The following PIEZO2 variants were observed in gnomAD, a reference collection of about 807,000 sequenced individuals.
The protein encoded by PIEZO2 is piezo type mechanosensitive ion channel component 2.
PIEZO2 carries 172 observed loss-of-function variants against 337.3 expected under a neutral mutation model. The ratio of observed to expected loss-of-function variants is 0.51; its 90% CI spans 0.45 to 0.58. The LOEUF is 0.58. Ranked by LOEUF, PIEZO2 falls within the 20% of genes least tolerant of loss-of-function variation. The pLI is 0.00. For missense variants in PIEZO2, 3,028 were observed against 3,391.3 expected (o/e 0.89, Z 2.66); for synonymous variants, 1,251 against 1,228.5 (o/e 1.02, Z -0.38).
At position 11,070,922 on chromosome 18, in the gene PIEZO2, A is replaced by G. The variant is rs927463099; in HGVS notation, c.65-4700T>C. Among the ~76,000 whole-genome samples, 4 of 152,120 alleles carry G rather than the reference A, an allele frequency of 2.6e-5. No individual in the cohort carries two copies. Among genetic ancestry groups the G allele is most frequent in the Non-Finnish European group, 4.4e-5 (3 of 68,026 alleles). ...ACCCAGACAGGAAGACCAGATCAAGAAGCACTAATCCCAGAATGCGGACAA... is the reference window on the plus strand; with the variant it reads ...ACCCAGACAGGAAGACCAGATCAAGGAGCACTAATCCCAGAATGCGGACAA... On this transcript the variant is annotated intron_variant, in intron 1 of 55. Coordinates refer to ENST00000674853, the MANE Select transcript of PIEZO2 (RefSeq NM_001378183.1). The surrounding 1 kb of genome is among the most constrained non-coding windows in gnomAD (Gnocchi z 4.3).
chr18:10,745,372 G>C (rs1047671101), intron 30 of PIEZO2, among the ~76,000 whole-genome samples: 5 of 151,856 alleles, frequency 3.3e-5, no homozygotes, highest in African/African-American at 1.2e-4. Flanking sequence ...AAAGAAAACC[G>C]ACACACGACC....
In PIEZO2 at chr18:11,048,164, G is replaced by A. The variant is rs1317685449; in HGVS notation, c.160+17963C>T. 1.3e-5 allele frequency among the ~76,000 whole-genome samples: 2 copies of A among 152,158 alleles called. No homozygotes were observed. The highest frequency in any genetic ancestry group is 2.9e-5 in the Non-Finnish European group (2 of 68,038). ...TCCTGACTGCCCGAGGAGACTATTA[G>A]TGACTTTCCCCAATACCCCTTAAGG... On this transcript the variant is annotated intron_variant, in intron 2 of 55. Transcript: ENST00000674853. This position sits in a 1 kb window ranked among gnomAD's most constrained non-coding sequence, Gnocchi z 4.5.
chr18:11,079,188 TCC>T (rs2038650106), intron 1 of PIEZO2, among the ~76,000 whole-genome samples: 3 of 152,192 alleles, frequency 2.0e-5, no homozygotes, highest in African/African-American at 7.2e-5. Context: ...GGCCCATCGT[TCC>T]ACCATATATT....
Position 11,148,751 on chromosome 18 carries a change from C to A in PIEZO2, c.-163G>T. On this transcript the variant is annotated 5_prime_UTR_variant, in exon 1 of 56. Transcript: ENST00000674853. The surrounding 1 kb of genome is among the most constrained non-coding windows in gnomAD (Gnocchi z 5.2). ...CGCGACGCTCTCCGCCCCGAGGGCA[C>A]GCTCCCGGGGCTCTTGGCCGCCCCT... 2.9e-6 allele frequency: 2 copies of A among 690,158 alleles called. No homozygotes were observed. Among genetic ancestry groups the A allele is most frequent in the Non-Finnish European group, 4.7e-6 (2 of 422,404 alleles). The allele number at this position is 690,158 out of a possible 1,614,324, so 42.8% of individuals were successfully genotyped here.
Position 11,148,757 on chromosome 18 carries a change from C to A in PIEZO2, c.-169G>T. 1.6e-6 allele frequency: 1 copy of A among 643,308 alleles called. No individual in the cohort carries two copies. The highest frequency in any genetic ancestry group is 2.2e-5 in the South Asian group (1 of 45,700). 39.8% of individuals were successfully genotyped at this position (643,308 alleles called of 1,614,324 possible). On this transcript the variant is annotated 5_prime_UTR_variant, in exon 1 of 56. Transcript: ENST00000674853. This position sits in a 1 kb window ranked among gnomAD's most constrained non-coding sequence, Gnocchi z 5.2. ...GCTCTCCGCCCCGAGGGCACGCTCC[C>A]GGGGCTCTTGGCCGCCCCTCGCCCA...
At position 10,859,594 on chromosome 18, in the gene PIEZO2, C is replaced by T. The variant is rs951619837; in HGVS notation, c.493-2383G>A. ...GATCACCCCTGTTAACAGGCAAGGG[C>T]GCCTTGCTGTCTCACCTTAAAGAAA... On this transcript the variant is annotated intron_variant, in intron 5 of 55. Coordinates refer to ENST00000674853, the MANE Select transcript of PIEZO2 (RefSeq NM_001378183.1). The surrounding 1 kb of genome is among the most constrained non-coding windows in gnomAD (Gnocchi z 4.9). Among the ~76,000 whole-genome samples the T allele has an allele frequency of 6.6e-6, 1 of 152,240 alleles. No homozygotes were observed. Among genetic ancestry groups the T allele is most frequent in the Non-Finnish European group, 1.5e-5 (1 of 68,040 alleles).
chr18:10,681,764 A>G lies in PIEZO2; in HGVS notation c.7687-11T>C, dbSNP rs951481008. 13 of 1,583,594 alleles carry G rather than the reference A, an allele frequency of 8.2e-6. No homozygotes were observed. Among genetic ancestry groups the G allele is most frequent in the Admixed American group, 1.7e-5 (1 of 59,932 alleles). The stretch of plus-strand genomic sequence containing the variant: ...CATTGTGAAAATAGGCTGGAAAACA[A>G]AGAGAACAGTGTTGTCAATATTCCC... On this transcript the variant is annotated splice_polypyrimidine_tract_variant and intron_variant, in intron 50 of 55. Coordinates refer to ENST00000674853, the MANE Select transcript of PIEZO2 (RefSeq NM_001378183.1).
chr18:10,950,508 G>T lies in PIEZO2; in HGVS notation c.286+29027C>A, dbSNP rs75517825. ...CATTTCACTGTGATATCTGATCACCGGGTGAATATTACTTGTGTCTTTGGT... is the reference window on the plus strand; with the variant it reads ...CATTTCACTGTGATATCTGATCACCTGGTGAATATTACTTGTGTCTTTGGT... On this transcript the variant is annotated intron_variant, in intron 3 of 55. Transcript: ENST00000674853. 9.7e-3 allele frequency among the ~76,000 whole-genome samples: 1,478 copies of T among 152,322 alleles called. 16 individuals carry two copies. The highest frequency in any genetic ancestry group is 0.014 in the Non-Finnish European group (935 of 68,026).
chr18:10,909,072 G>A (rs2030222323), intron 4 of PIEZO2, among the ~76,000 whole-genome samples: 2 of 152,164 alleles, frequency 1.3e-5, no homozygotes, highest in South Asian at 4.1e-4. Context: ...CTGAGCCAAG[G>A]AGAAACAGGG....
intron 18 of PIEZO2, among the ~76,000 whole-genome samples, chr18:10,779,253 G>A (rs1034207095): frequency 1.3e-5 from 2 of 152,264 alleles, no homozygotes; most frequent in African/African-American, 4.8e-5. Context: ...AAAAGCGAAC[G>A]GGGTAGAAAA....
chr18:10,960,411 T>C (rs1448637239), intron 3 of PIEZO2, among the ~76,000 whole-genome samples: 1 of 152,180 alleles, frequency 6.6e-6, no homozygotes, highest in African/African-American at 2.4e-5. Context: ...ATTATTTTCA[T>C]TTAAACCCTA....
In PIEZO2 at chr18:10,795,417, C is replaced by G. The variant is rs1474875765; in HGVS notation, c.1528-415G>C. ...TTATTTTATTTTATTTTATTCAGCT[C>G]TATTGCTTTAAAGAAAAGACCAAAC... On this transcript the variant is annotated intron_variant, in intron 12 of 55. Coordinates refer to ENST00000674853, the MANE Select transcript of PIEZO2 (RefSeq NM_001378183.1). This position sits in a 1 kb window ranked among gnomAD's most constrained non-coding sequence, Gnocchi z 4.4. 7.1e-6 allele frequency among the ~76,000 whole-genome samples: 1 copy of G among 141,006 alleles called. No individual in the cohort carries two copies. The highest frequency in any genetic ancestry group is 1.5e-5 in the Non-Finnish European group (1 of 65,274). The allele number at this position is 141,006 out of a possible 152,430, so 92.5% of individuals were successfully genotyped here.
intron 17 of PIEZO2, among the ~76,000 whole-genome samples, chr18:10,782,051 T>C (rs2039001456): frequency 6.7e-6 from 1 of 149,788 alleles, no homozygotes; most frequent in Non-Finnish European, 1.5e-5. Flanking sequence ...AATACTCCCA[T>C]GAGGAAGAGT....
At chr18:10,799,572 A>G (rs1483980060) in intron 11 of PIEZO2, among the ~76,000 whole-genome samples, 1 of 152,216 alleles carries the variant, frequency 6.6e-6, no homozygotes, top group Non-Finnish European at 1.5e-5. Context: ...ATCTTTAGTA[A>G]TAGTGGTCTC....
chr18:11,124,385 C>A (rs954925741), intron 1 of PIEZO2, among the ~76,000 whole-genome samples: 2 of 152,162 alleles, frequency 1.3e-5, no homozygotes, highest in Admixed American at 6.5e-5. Context: ...CCTAAGAAAT[C>A]ATTTATTGTG....
At chr18:11,124,472 T>A (rs1012058636) in intron 1 of PIEZO2, among the ~76,000 whole-genome samples, 1 of 152,168 alleles carries the variant, frequency 6.6e-6, no homozygotes, top group Non-Finnish European at 1.5e-5. Context: ...ACCTGCAGGA[T>A]ATGCATTCAT....
At chr18:10,926,584 T>C (rs1002086065) in intron 3 of PIEZO2, among the ~76,000 whole-genome samples, 3 of 152,222 alleles carry the variant, frequency 2.0e-5, no homozygotes, top group African/African-American at 7.2e-5. Context: ...TTCCATTTTA[T>C]GCTAATTGAG....
intron 20 of PIEZO2, among the ~76,000 whole-genome samples, chr18:10,772,290 G>A (rs1264765153): frequency 6.6e-6 from 1 of 152,168 alleles, no homozygotes; most frequent in African/African-American, 2.4e-5. Context: ...AAAGGTGTAG[G>A]TAATAAATGA....
At chr18:10,966,207 C>T (rs961361599) in intron 3 of PIEZO2, among the ~76,000 whole-genome samples, 3 of 152,204 alleles carry the variant, frequency 2.0e-5, no homozygotes, top group African/African-American at 7.2e-5. Flanking sequence ...AGCCAGAAAT[C>T]TGGGCATCAT....
Sources: allele counts gnomAD v4.1 joint callset (sites outside exome capture counted in the v4.1 genomes callset), GRCh38; gene constraint gnomAD v4.1.1; non-coding constraint Gnocchi (gnomAD v3.1); transcripts MANE v1.5; gene names NCBI Gene and HGNC (gene_info 2026-07-23, HGNC 2026-07-21).